Variants in RHOBTB3 observed in about 807,000 individuals in gnomAD.
RHOBTB3 encodes the protein rho-related BTB domain-containing protein 3.
A neutral mutation model predicts 67.2 loss-of-function variants in RHOBTB3; 47 were observed. That is an observed-to-expected ratio of 0.70 (90% CI 0.55 to 0.89). RHOBTB3 has a LOEUF of 0.89. Ranked by LOEUF, RHOBTB3 falls within the 40% of genes least tolerant of loss-of-function variation. The pLI, the probability that RHOBTB3 is intolerant of heterozygous loss-of-function variation, is 0.00. For synonymous variants in RHOBTB3, 273 were observed against 274.2 expected, an observed-to-expected ratio of 1.00 and a Z score of 0.04; for missense variants, 631 against 750.0, an observed-to-expected ratio of 0.84 and a Z score of 1.85.
intron 10 of RHOBTB3, among the ~76,000 whole-genome samples, chr5:95,788,315 C>T (rs190349941): frequency 5.8e-4 from 89 of 152,366 alleles, no homozygotes; most frequent in African/African-American, 2.1e-3. Flanking sequence ...CATTGAAACC[C>T]ATGCCTTCGG....
intron 11 of RHOBTB3, 108 bp from the exon 12 acceptor site, chr5:95,792,951 G>A (rs1434115248): frequency 1.4e-6 from 1 of 691,508 alleles, no homozygotes; most frequent in African/African-American, 1.8e-5. Flanking sequence ...GGTAGGAGAT[G>A]TATCACAGAG....
At chr5:95,738,631 C>T (rs576750716) in intron 3 of RHOBTB3, among the ~76,000 whole-genome samples, 5 of 151,838 alleles carry the variant, frequency 3.3e-5, no homozygotes, top group African/African-American at 9.7e-5. Context: ...CACCATGGGA[C>T]GATGCAGCAG....
chr5:95,726,619 C>T (rs905444182), upstream of RHOBTB3, among the ~76,000 whole-genome samples: 3 of 152,138 alleles, frequency 2.0e-5, no homozygotes, highest in African/African-American at 7.2e-5. Context: ...TCTGATTAGT[C>T]GTCGGTTTTT....
intron 3 of RHOBTB3, among the ~76,000 whole-genome samples, chr5:95,745,635 T>C (rs993416562): frequency 1.3e-5 from 2 of 152,026 alleles, no homozygotes; most frequent in East Asian, 1.9e-4. Context: ...CAGAGTTACA[T>C]TGTGCTTGCT....
chr5:95,766,037 G>A (rs1305677838), intron 7 of RHOBTB3, among the ~76,000 whole-genome samples: 2 of 152,022 alleles, frequency 1.3e-5, no homozygotes, highest in Non-Finnish European at 2.9e-5. Flanking sequence ...CCTTCCATGT[G>A]TATGACGGTT....
chr5:95,721,186 G>C (rs1246047290), intron 1 of RHOBTB3, among the ~76,000 whole-genome samples: 3 of 152,220 alleles, frequency 2.0e-5, no homozygotes, highest in Non-Finnish European at 2.9e-5. Context: ...AGATTTTAGG[G>C]ATGGGAATAG....
chr5:95,762,633 C>A (rs78277771), intron 6 of RHOBTB3, among the ~76,000 whole-genome samples: 762 of 152,234 alleles, frequency 5.0e-3, no homozygotes, highest in African/African-American at 0.018. Context: ...TGAGATAGGA[C>A]CTTCTATAAA....
intron 2 of RHOBTB3, among the ~76,000 whole-genome samples, chr5:95,735,890 C>T (rs757727617): frequency 5.9e-5 from 9 of 152,152 alleles, no homozygotes; most frequent in Non-Finnish European, 1.2e-4. Context: ...TGCCTGAGCT[C>T]AGAAGCTGGA....
chr5:95,752,678 C>G (rs1243741362), intron 5 of RHOBTB3, among the ~76,000 whole-genome samples: 1 of 152,144 alleles, frequency 6.6e-6, no homozygotes, highest in Non-Finnish European at 1.5e-5. Context: ...TGATTGGATA[C>G]TGGTTCAATA....
intron 2 of RHOBTB3, among the ~76,000 whole-genome samples, chr5:95,734,708 A>G (rs915156957): frequency 6.6e-6 from 1 of 152,052 alleles, no homozygotes. Flanking sequence ...TTTACTGTTT[A>G]TTAAAAATAT....
At position 95,761,960 on chromosome 5, in the gene RHOBTB3, A is replaced by T. The variant is rs917755438; in HGVS notation, c.1049-1548A>T. On this transcript the variant is annotated intron_variant, in intron 6 of 11. Coordinates refer to ENST00000379982, the MANE Select transcript of RHOBTB3 (RefSeq NM_014899.4). ...AGTTAAAAAGCATTCATGCAGAAAG[A>T]GAAAAACAGAAATCATAGAGCTCTT... 4.6e-5 allele frequency among the ~76,000 whole-genome samples: 7 copies of T among 152,216 alleles called. No homozygotes were observed. The East Asian group carries it at 1.3e-3, about 29-fold the overall frequency.
chr5:95,779,518 A>G (rs1745988313), intron 8 of RHOBTB3, among the ~76,000 whole-genome samples: 1 of 152,212 alleles, frequency 6.6e-6, no homozygotes, highest in Non-Finnish European at 1.5e-5. Flanking sequence ...TAGAGAGCCT[A>G]GCAAGCTTTT....
At chr5:95,759,556 T>C (rs1367732559) in intron 6 of RHOBTB3, among the ~76,000 whole-genome samples, 1 of 152,288 alleles carries the variant, frequency 6.6e-6, no homozygotes, top group Admixed American at 6.5e-5. Context: ...TGTTTGATCC[T>C]CTAGTCATTT....
intron 6 of RHOBTB3, among the ~76,000 whole-genome samples, chr5:95,757,067 G>A (rs1745266872): frequency 6.6e-6 from 1 of 152,052 alleles, no homozygotes; most frequent in Non-Finnish European, 1.5e-5. Context: ...TGTTAGTTGA[G>A]GTCTAATTAA....
At chr5:95,740,731 G>T (rs1377798600) in intron 3 of RHOBTB3, among the ~76,000 whole-genome samples, 1 of 152,190 alleles carries the variant, frequency 6.6e-6, no homozygotes, top group Non-Finnish European at 1.5e-5. Context: ...TAGAATACAA[G>T]TCAGATCATG....
intron 6 of RHOBTB3, chr5:95,756,096 C>T: frequency 4.7e-6 from 1 of 210,694 alleles, no homozygotes; most frequent in South Asian, 9.6e-5. Flanking sequence ...TCACCACCAT[C>T]CGTGTCCATA....
intron 4 of RHOBTB3, 119 bp downstream of exon 4, chr5:95,748,606 G>T: frequency 1.6e-6 from 1 of 623,304 alleles, no homozygotes; most frequent in Middle Eastern, 3.5e-4. Flanking sequence ...TTAACCTTGA[G>T]AAATAAAATG....
At position 95,763,480 on chromosome 5, in the gene RHOBTB3, A is replaced by T. The variant is rs764605025; in HGVS notation, c.1049-28A>T. On this transcript the variant is annotated intron_variant, in intron 6 of 11. Coordinates refer to ENST00000379982, the MANE Select transcript of RHOBTB3 (RefSeq NM_014899.4). ...TTGTTACTTCCTCATTTAACAGAAA[A>T]ATCCAGCATGTACTAATTTGTTTAC... 7.6e-6 allele frequency: 10 copies of T among 1,319,014 alleles called. No individual in the cohort carries two copies. The East Asian group carries it at 2.1e-4, about 27-fold the overall frequency. The allele number at this position is 1,319,014 out of a possible 1,614,324, so 81.7% of individuals were successfully genotyped here.
At chr5:95,788,907 C>G in intron 11 of RHOBTB3, 49 bp downstream of exon 11, 1 of 1,158,812 alleles carries the variant, frequency 8.6e-7, no homozygotes, top group Non-Finnish European at 1.2e-6. Context: ...GTTCTTTGTT[C>G]TTAGATTTGA....
Sources: gnomAD v4.1 joint callset for allele counts (sites outside exome capture counted in the v4.1 genomes callset) on GRCh38, gnomAD v4.1.1 for gene constraint, MANE v1.5 for transcripts, NCBI Gene and HGNC (gene_info 2026-07-23, HGNC 2026-07-21) for gene names.